Variants in CTNNA2 observed in about 807,000 individuals in gnomAD.
The protein encoded by CTNNA2 is catenin alpha 2.
In CTNNA2, 42 loss-of-function variants were observed where a neutral mutation model predicts 101.0. That is an observed-to-expected ratio of 0.42 (90% CI 0.32 to 0.54). The LOEUF is 0.54. Among genes scored for constraint, CTNNA2 ranks in the 20% least tolerant of loss-of-function variants. The probability of loss-of-function intolerance (pLI) is 0.14; values close to 1 mark genes in which losing one functional copy is unlikely to be tolerated. For synonymous variants in CTNNA2, 450 were observed against 456.4 expected, an observed-to-expected ratio of 0.99 and a Z score of 0.18; for missense variants, 871 against 1,223.1, an observed-to-expected ratio of 0.71 and a Z score of 4.29.
At chr2:79,340,283 A>G (rs1677098114) in intron 3 of CTNNA2, 2 of 152,182 alleles carry the variant, frequency 1.3e-5, no homozygotes, top group Non-Finnish European at 2.9e-5. Flanking sequence ...GAGCTACTTA[A>G]TGGCTCATAA....
At chr2:79,484,818 T>C (rs1275500638) in intron 4 of CTNNA2, among the ~76,000 whole-genome samples, 3 of 152,186 alleles carry the variant, frequency 2.0e-5, no homozygotes, top group African/African-American at 4.8e-5. Context: ...TACATTACTC[T>C]TGCTTGATAA....
At chr2:80,403,207 T>C (rs967990491) in intron 8 of CTNNA2, among the ~76,000 whole-genome samples, 1 of 152,222 alleles carries the variant, frequency 6.6e-6, no homozygotes, top group African/African-American at 2.4e-5. Flanking sequence ...ATTTACAATG[T>C]TGCTGTTTTC....
chr2:79,895,222 A>G (rs939880914), intron 6 of CTNNA2, among the ~76,000 whole-genome samples: 4 of 152,260 alleles, frequency 2.6e-5, no homozygotes, highest in Non-Finnish European at 4.4e-5. Context: ...ATGTTTCTTG[A>G]GAAGCAATTA....
intron 8 of CTNNA2, among the ~76,000 whole-genome samples, chr2:80,394,643 G>A (rs763840224): frequency 3.3e-5 from 5 of 152,128 alleles, no homozygotes; most frequent in East Asian, 1.9e-4. Flanking sequence ...AGTTGAAAAC[G>A]CTGAATTAGA....
At chr2:79,595,155 A>G (rs1358781683) in intron 1 of CTNNA2, among the ~76,000 whole-genome samples, 1 of 152,170 alleles carries the variant, frequency 6.6e-6, no homozygotes, top group East Asian at 1.9e-4. Flanking sequence ...CTTGTGGTCA[A>G]CCATTCCACT....
At chr2:80,242,887 T>G (rs1252346755) in intron 7 of CTNNA2, among the ~76,000 whole-genome samples, 3 of 152,044 alleles carry the variant, frequency 2.0e-5, no homozygotes, top group African/African-American at 4.8e-5. Context: ...GCCACCAGGG[T>G]CCAGGCTATG....
chr2:80,508,475 C>T (rs994633984), intron 9 of CTNNA2, among the ~76,000 whole-genome samples: 2 of 152,076 alleles, frequency 1.3e-5, no homozygotes, highest in East Asian at 3.9e-4. Context: ...CAGAGCCAGA[C>T]TGTCTCAAAA....
At chr2:79,925,949 C>T (rs35110775) in intron 7 of CTNNA2, among the ~76,000 whole-genome samples, 83 of 151,600 alleles carry the variant, frequency 5.5e-4, no homozygotes, top group African/African-American at 1.6e-3. Context: ...TTTAGATTTT[C>T]GGCCAATCTG....
At chr2:79,803,906 G>A (rs985456653) in intron 3 of CTNNA2, among the ~76,000 whole-genome samples, 1 of 152,210 alleles carries the variant, frequency 6.6e-6, no homozygotes, top group African/African-American at 2.4e-5. Flanking sequence ...ATATTTTATA[G>A]GGTAGGAAGA....
intron 7 of CTNNA2, among the ~76,000 whole-genome samples, chr2:79,974,608 T>C (rs1558690359): frequency 6.6e-6 from 1 of 152,166 alleles, no homozygotes; most frequent in Non-Finnish European, 1.5e-5. Context: ...TATGATATTT[T>C]TTCTAATATT....
intron 15 of CTNNA2, among the ~76,000 whole-genome samples, chr2:80,596,036 C>T (rs1186979957): frequency 6.6e-6 from 1 of 152,100 alleles, no homozygotes; most frequent in Non-Finnish European, 1.5e-5. Context: ...TCTCTTATTT[C>T]CTTGAGCAGT....
At chr2:80,306,339 A>G (rs1467550262) in intron 7 of CTNNA2, among the ~76,000 whole-genome samples, 1 of 152,158 alleles carries the variant, frequency 6.6e-6, no homozygotes, top group African/African-American at 2.4e-5. Context: ...AAGGTCATAC[A>G]GCTTGCAACT....
At chr2:80,493,659 T>A (rs114704568) in intron 9 of CTNNA2, among the ~76,000 whole-genome samples, 1,549 of 152,312 alleles carry the variant, frequency 0.01, 19 homozygotes, top group South Asian at 0.022. Flanking sequence ...AGCCTAATTT[T>A]TCCTTAGAAA....
chr2:80,595,647 C>T (rs216640), intron 15 of CTNNA2, among the ~76,000 whole-genome samples: 34,345 of 151,800 alleles, frequency 0.23, 5,532 homozygotes, highest in African/African-American at 0.46. Flanking sequence ...AACTGAAACA[C>T]TGTTTGACAG....
At chr2:80,538,296 G>T (rs1257409304) in intron 9 of CTNNA2, among the ~76,000 whole-genome samples, 1 of 152,110 alleles carries the variant, frequency 6.6e-6, no homozygotes, top group Non-Finnish European at 1.5e-5. Context: ...TGAAGCCTTT[G>T]CCCATGCCTA....
At chr2:80,410,200 A>G (rs1490050433) in intron 8 of CTNNA2, among the ~76,000 whole-genome samples, 1 of 152,208 alleles carries the variant, frequency 6.6e-6, no homozygotes, top group Non-Finnish European at 1.5e-5. Context: ...ACCCCACCCA[A>G]TAGGTAGACA....
intron 3 of CTNNA2, among the ~76,000 whole-genome samples, chr2:79,360,068 G>C (rs1329446985): frequency 6.6e-6 from 1 of 152,108 alleles, no homozygotes; most frequent in Non-Finnish European, 1.5e-5. Context: ...TGAGTACTTA[G>C]TAATTTTTAA....
chr2:79,835,162 A>T (rs1322564406), intron 3 of CTNNA2, among the ~76,000 whole-genome samples: 1 of 152,138 alleles, frequency 6.6e-6, no homozygotes, highest in Non-Finnish European at 1.5e-5. Context: ...TCTTTTCCTC[A>T]ATCAAAACTT....
intron 1 of CTNNA2, among the ~76,000 whole-genome samples, chr2:79,610,250 G>C (rs1291930750): frequency 6.6e-6 from 1 of 152,156 alleles, no homozygotes; most frequent in Non-Finnish European, 1.5e-5. Flanking sequence ...AAATTAAACC[G>C]ATTCAACTGC....
Sources: gnomAD v4.1 joint callset for allele counts (sites outside exome capture counted in the v4.1 genomes callset) on GRCh38, gnomAD v4.1.1 for gene constraint, MANE v1.5 for transcripts, NCBI Gene and HGNC (gene_info 2026-07-23, HGNC 2026-07-21) for gene names.